The following PDE4D variants were observed in gnomAD, a reference collection of about 807,000 sequenced individuals.
PDE4D encodes the protein phosphodiesterase 4D.
Under a neutral mutation model 87.4 loss-of-function variants are expected in PDE4D, and 24 were observed. That is an observed-to-expected ratio of 0.27 (90% CI 0.20 to 0.39). PDE4D has a LOEUF of 0.39. PDE4D is among the 10% of genes least tolerant of loss of function. The pLI is 1.00. For missense variants in PDE4D, 714 were observed against 1,041.0 expected (o/e 0.69, Z 4.32); for synonymous variants, 384 against 383.2 (o/e 1.00, Z -0.02).
At chr5:59,459,754 A>G (rs16889869) in intron 1 of PDE4D, among the ~76,000 whole-genome samples, 31,744 of 152,108 alleles carry the variant, frequency 0.21, 4,800 homozygotes, top group African/African-American at 0.43. Context: ...TTACGGAAGG[A>G]AGCTAATTCA....
At chr5:59,250,578 T>A (rs1581606223) in intron 1 of PDE4D, among the ~76,000 whole-genome samples, 1 of 152,072 alleles carries the variant, frequency 6.6e-6, no homozygotes, top group African/African-American at 2.4e-5. Flanking sequence ...GTAGATTATA[T>A]GACAAGAATT....
At chr5:59,783,295 G>A (rs2152631106) in intron 1 of PDE4D, among the ~76,000 whole-genome samples, 1 of 152,276 alleles carries the variant, frequency 6.6e-6, no homozygotes, top group South Asian at 2.1e-4. Flanking sequence ...TGTGACCCAG[G>A]CATCAGTTTT....
intron 2 of PDE4D, among the ~76,000 whole-genome samples, chr5:60,008,137 G>T (rs1764662597): frequency 6.6e-6 from 1 of 151,874 alleles, no homozygotes; most frequent in South Asian, 2.1e-4. Flanking sequence ...CACAAAGATT[G>T]GGTCTAATTG....
intron 1 of PDE4D, among the ~76,000 whole-genome samples, chr5:59,585,208 G>C (rs1824916755): frequency 6.6e-6 from 1 of 152,298 alleles, no homozygotes; most frequent in African/African-American, 2.4e-5. Flanking sequence ...CACCTGCCTA[G>C]AGTGGGAGAG....
chr5:59,471,669 G>C (rs1562247285), intron 1 of PDE4D, among the ~76,000 whole-genome samples: 1 of 152,200 alleles, frequency 6.6e-6, no homozygotes, highest in Non-Finnish European at 1.5e-5. Flanking sequence ...CTGTACAAGT[G>C]ACAACAGCTA....
intron 11 of PDE4D, among the ~76,000 whole-genome samples, chr5:58,983,084 G>T (rs989172100): frequency 4.6e-5 from 7 of 152,204 alleles, no homozygotes; most frequent in African/African-American, 1.7e-4. Context: ...TCCAAGCAAA[G>T]TGAACAACGA....
chr5:59,962,464 C>A (rs1453111375), intron 3 of PDE4D, among the ~76,000 whole-genome samples: 1 of 152,002 alleles, frequency 6.6e-6, no homozygotes, highest in African/African-American at 2.4e-5. Context: ...AGTCAACATA[C>A]ACACCCACAA....
chr5:60,256,113 T>C (rs1749020625), intron 1 of PDE4D, among the ~76,000 whole-genome samples: 1 of 151,918 alleles, frequency 6.6e-6, no homozygotes, highest in Non-Finnish European at 1.5e-5. Flanking sequence ...AAGCCTTATA[T>C]GGACTCTCTT....
intron 1 of PDE4D, among the ~76,000 whole-genome samples, chr5:60,186,519 T>G (rs545802391): frequency 1.1e-4 from 16 of 152,302 alleles, no homozygotes; most frequent in African/African-American, 3.4e-4. Context: ...AAGATATATT[T>G]GCATGTGGGC....
intron 2 of PDE4D, among the ~76,000 whole-genome samples, chr5:60,162,969 A>C (rs1782589368): frequency 6.6e-6 from 1 of 152,168 alleles, no homozygotes; most frequent in Non-Finnish European, 1.5e-5. Context: ...ACAGAACCAC[A>C]AACAGATGGT....
At chr5:60,296,138 G>A (rs556581173) in intron 1 of PDE4D, among the ~76,000 whole-genome samples, 4 of 152,278 alleles carry the variant, frequency 2.6e-5, no homozygotes, top group Non-Finnish European at 4.4e-5. Context: ...CACCTTGGAG[G>A]TGAGGACTTC....
chr5:58,992,026 T>C, intron 7 of PDE4D, 22 bp from the exon 8 acceptor site: 2 of 1,417,320 alleles, frequency 1.4e-6, no homozygotes, highest in Non-Finnish European at 1.9e-6. Flanking sequence ...TAGAAAATGT[T>C]CTATATTTAT....
At chr5:58,991,716 GAAA>G (rs749957231) in intron 8 of PDE4D, 113 bp downstream of exon 8, 3 of 542,572 alleles carry the variant, frequency 5.5e-6, no homozygotes, top group African/African-American at 3.8e-5. Context: ...TTCAAAAAAA[GAAA>G]AAAAAAAAAC....
chr5:59,375,431 A>T (rs1784550163), intron 1 of PDE4D, among the ~76,000 whole-genome samples: 1 of 152,256 alleles, frequency 6.6e-6, no homozygotes, highest in South Asian at 2.1e-4. Context: ...TAAACTAGAA[A>T]AACTAGAAGA....
chr5:59,256,513 A>G (rs532979694), intron 1 of PDE4D, among the ~76,000 whole-genome samples: 3 of 152,210 alleles, frequency 2.0e-5, no homozygotes, highest in African/African-American at 7.2e-5. Context: ...CCAAGCCCCA[A>G]TTATACCATT....
intron 6 of PDE4D, among the ~76,000 whole-genome samples, chr5:59,012,693 C>T (rs1255216672): frequency 6.6e-6 from 1 of 152,156 alleles, no homozygotes; most frequent in Non-Finnish European, 1.5e-5. Flanking sequence ...GACTTCTACA[C>T]AATAATAATG....
intron 1 of PDE4D, among the ~76,000 whole-genome samples, chr5:59,481,184 G>A (rs1190495034): frequency 6.6e-6 from 1 of 152,022 alleles, no homozygotes; most frequent in Non-Finnish European, 1.5e-5. Context: ...AGAGGTCAAA[G>A]GGAGACAAAA....
Position 59,272,675 on chromosome 5 carries a change from G to C in PDE4D, c.456-56707C>G, listed in dbSNP as rs1016585600. 2.0e-5 allele frequency among the ~76,000 whole-genome samples: 3 copies of C among 151,966 alleles called. No individual in the cohort carries two copies. In the East Asian group the frequency reaches 5.8e-4, roughly 29 times the overall value. ...TAAATTTGGACACCTATGTTACAAA[G>C]AGACAAATAGATTAATTTTAAGGTT... On this transcript the variant is annotated intron_variant, in intron 1 of 14. Coordinates refer to ENST00000340635, the MANE Select transcript of PDE4D (RefSeq NM_001104631.2).
At chr5:59,677,854 A>G (rs1748363655) in intron 1 of PDE4D, among the ~76,000 whole-genome samples, 1 of 152,160 alleles carries the variant, frequency 6.6e-6, no homozygotes, top group Admixed American at 6.5e-5. Context: ...GTATTTCCCT[A>G]GTCTACATTG....
Sources: gnomAD v4.1 joint callset for allele counts (sites outside exome capture counted in the v4.1 genomes callset) on GRCh38, gnomAD v4.1.1 for gene constraint, MANE v1.5 for transcripts, NCBI Gene and HGNC (gene_info 2026-07-23, HGNC 2026-07-21) for gene names.